Variants in TMEM131L observed in about 807,000 individuals in gnomAD.
TMEM131L encodes transmembrane protein 131-like.
A neutral mutation model predicts 192.2 loss-of-function variants in TMEM131L; 54 were observed. The ratio of observed to expected loss-of-function variants is 0.28; its 90% CI spans 0.23 to 0.35. The LOEUF is 0.35. Among genes scored for constraint, TMEM131L ranks in the 10% least tolerant of loss-of-function variants. The pLI is 1.00. For synonymous variants in TMEM131L, 701 were observed against 704.9 expected (o/e 0.99, Z 0.09); for missense variants, 1,888 against 1,972.9 (o/e 0.96, Z 0.82).
intron 30 of TMEM131L, among the ~76,000 whole-genome samples, chr4:153,626,852 A>C (rs1022788098): frequency 6.6e-6 from 1 of 152,244 alleles, no homozygotes; most frequent in Admixed American, 6.5e-5. Flanking sequence ...CTAGGCCTTG[A>C]AATAAAACTG....
In TMEM131L at chr4:153,625,090, G is replaced by A. The variant is rs1194719508; in HGVS notation, c.4046-1057G>A. On this transcript the variant is annotated intron_variant, in intron 29 of 34. Coordinates refer to ENST00000409959, the MANE Select transcript of TMEM131L (RefSeq NM_001131007.2). ...TGTGCATCTACCACAGAAGACTGAA[G>A]GTTTGCCTGATGATTCCAGTGTGGG... Among the ~76,000 whole-genome samples, 4 of 152,322 alleles carry A rather than the reference G, an allele frequency of 2.6e-5. No homozygotes were observed. The East Asian group carries it at 7.7e-4, about 29-fold the overall frequency.
intron 26 of TMEM131L, among the ~76,000 whole-genome samples, chr4:153,614,603 GT>G (rs957299777): frequency 1.3e-5 from 2 of 152,160 alleles, no homozygotes; most frequent in African/African-American, 2.4e-5. Flanking sequence ...ATAATTGGAT[GT>G]TGTTCAATTC....
chr4:153,487,155 G>A (rs1030603980), intron 3 of TMEM131L, among the ~76,000 whole-genome samples: 6 of 152,136 alleles, frequency 3.9e-5, no homozygotes, highest in African/African-American at 1.2e-4. Flanking sequence ...ATTGGCCCAG[G>A]GTGAGGCAGC....
chr4:153,579,549 A>G (rs1313542606), intron 7 of TMEM131L, among the ~76,000 whole-genome samples: 2 of 152,144 alleles, frequency 1.3e-5, no homozygotes, highest in Non-Finnish European at 2.9e-5. Flanking sequence ...ACGGTTCACT[A>G]CAGCCTTGAC....
rs982709699 is a variant in TMEM131L, at chr4:153,485,580, A to G, written c.239+11692A>G. Among the ~76,000 whole-genome samples, 10 of 152,352 alleles carry G rather than the reference A, an allele frequency of 6.6e-5. No individual in the cohort carries two copies. In the East Asian group the frequency reaches 9.6e-4, roughly 15 times the overall value. On this transcript the variant is annotated intron_variant, in intron 3 of 34. Coordinates refer to ENST00000409959, the MANE Select transcript of TMEM131L (RefSeq NM_001131007.2). ...TCATATTGATATTGTGCCTTGTACA[A>G]CATTGACTTTGAGGGTTGTAACTAC...
At chr4:153,472,598 T>G (rs538088758) in intron 2 of TMEM131L, among the ~76,000 whole-genome samples, 15 of 152,064 alleles carry the variant, frequency 9.9e-5, no homozygotes, top group African/African-American at 3.1e-4. Flanking sequence ...AGCAGAGAGA[T>G]AGACAGTAAA....
intron 3 of TMEM131L, among the ~76,000 whole-genome samples, chr4:153,478,810 T>C (rs1180694128): frequency 6.6e-6 from 1 of 152,220 alleles, no homozygotes; most frequent in Non-Finnish European, 1.5e-5. Context: ...TTAACATTTG[T>C]TTACACATTT....
Position 153,622,910 on chromosome 4 carries a change from A to G in TMEM131L, c.3872A>G (p.Gln1291Arg), listed in dbSNP as rs143927380. The G allele has an allele frequency of 1.7e-5, 27 of 1,614,244 alleles. No individual in the cohort carries two copies. In the East Asian group the frequency reaches 3.3e-4, roughly 20 times the overall value. The change falls in exon 29 of 35, where the codon CAG becomes CGG. Residue 1291 changes from glutamine to arginine, a missense_variant. By Grantham distance (43) the Gln-to-Arg change is conservative (BLOSUM62 1). Coordinates refer to ENST00000409959, the MANE Select transcript of TMEM131L (RefSeq NM_001131007.2). ...AAQREAEGYY[Q>R]KPEKKCVDKF... The stretch of plus-strand genomic sequence containing the variant: ...TCACTTCCTCCAGAAGGTTACTACC[A>G]GAAGCCTGAGAAGAAATGTGTGGAC...
chr4:153,496,271 A>G (rs1027474846), intron 3 of TMEM131L, among the ~76,000 whole-genome samples: 1 of 152,214 alleles, frequency 6.6e-6, no homozygotes, highest in African/African-American at 2.4e-5. Flanking sequence ...AAATCCATGG[A>G]ACACTTTATT....
In TMEM131L at chr4:153,636,610, AG is replaced by A; in HGVS notation, c.*36del. 6.3e-7 allele frequency: 1 copy of A among 1,594,312 alleles called. No homozygotes were observed. The highest frequency in any genetic ancestry group is 1.7e-5 in the Admixed American group (1 of 58,980). Reference sequence around the variant, plus strand: ...GGATTTTTAAACAATGTGAATAAAGAGGCTTGTGTTTTGATTACTAGTGTAA... The same window carrying A: ...GGATTTTTAAACAATGTGAATAAAGAGCTTGTGTTTTGATTACTAGTGTAA... On this transcript the variant is annotated 3_prime_UTR_variant, in exon 35 of 35. Coordinates refer to ENST00000409959, the MANE Select transcript of TMEM131L (RefSeq NM_001131007.2).
Position 153,620,824 on chromosome 4 carries a change from G to C in TMEM131L, c.3636G>C (p.Trp1212Cys). 1 of 1,599,900 alleles carries C rather than the reference G, an allele frequency of 6.3e-7. No individual in the cohort carries two copies. The highest frequency in any genetic ancestry group is 8.5e-7 in the Non-Finnish European group (1 of 1,173,688). Residue 1212 changes from tryptophan to cysteine, a missense_variant, in exon 27 of 35, where the codon TGG becomes TGC. Trp to Cys is a radical substitution (Grantham distance 215, BLOSUM62 -2). Transcript: ENST00000409959. ...AAGGAAATTTACAAAATTTAAATTGGAGTAAAAGTCGAACATGTAGAAAGA... is the reference window on the plus strand; with the variant it reads ...AAGGAAATTTACAAAATTTAAATTGCAGTAAAAGTCGAACATGTAGAAAGA... ...KREGNLQNLNWSKSRTCRKNK... is the reference protein window; with the variant it reads ...KREGNLQNLNCSKSRTCRKNK...
chr4:153,529,595 TA>T (rs1168646926), intron 3 of TMEM131L, among the ~76,000 whole-genome samples: 2 of 152,160 alleles, frequency 1.3e-5, no homozygotes, highest in Non-Finnish European at 1.5e-5. Flanking sequence ...CAAGCACAAA[TA>T]TAACACCAAA....
chr4:153,599,864 C>T (rs549408568), intron 21 of TMEM131L, among the ~76,000 whole-genome samples: 1 of 152,130 alleles, frequency 6.6e-6, no homozygotes, highest in Non-Finnish European at 1.5e-5. Flanking sequence ...TCGAGACCAG[C>T]CTGGCCAGCA....
chr4:153,633,590 G>A (rs1232531440), intron 32 of TMEM131L, among the ~76,000 whole-genome samples: 1 of 152,070 alleles, frequency 6.6e-6, no homozygotes, highest in Non-Finnish European at 1.5e-5. Context: ...CACAATGGCA[G>A]TTTCTCAAAT....
chr4:153,525,075 G>A (rs1349632341), intron 3 of TMEM131L, among the ~76,000 whole-genome samples: 1 of 152,208 alleles, frequency 6.6e-6, no homozygotes. Context: ...GATGCTGAGT[G>A]TAATAGCACA....
In TMEM131L at chr4:153,612,322, G is replaced by A. The variant is rs1004550832; in HGVS notation, c.3489G>A (p.Lys1163=). The change falls in exon 26 of 35, where the codon AAG becomes AAA. Residue 1163 remains lysine (K), a synonymous_variant. Transcript: ENST00000409959. ...AAAATTTGAAGAAGGTGGACACAAA[G>A]CCTTCTTCAGAAAAGAAGATTCACA... is the stretch of plus-strand genomic sequence containing the variant. The part of the protein sequence containing the change: ...HCENLKKVDT[K]PSSEKKIHKT... 1.9e-6 allele frequency: 3 copies of A among 1,598,488 alleles called. No homozygotes were observed. The highest frequency in any genetic ancestry group is 2.7e-5 in the African/African-American group (2 of 74,388).
chr4:153,603,439 C>T lies in TMEM131L; in HGVS notation c.2776C>T (p.Pro926Ser). The T allele has an allele frequency of 1.2e-6, 2 of 1,613,374 alleles. No individual in the cohort carries two copies. Among genetic ancestry groups the T allele is most frequent in the South Asian group, 1.1e-5 (1 of 90,844 alleles). ...CAATGGTCCTATGGATGTAATCAGC[C>T]CCCATTCTTACAAGTAAGAATTCTT... ...QNNGPMDVIS[P>S]HSYKSNCKNF... Residue 926 changes from proline to serine, a missense_variant, in exon 24 of 35, where the codon CCC becomes TCC. By Grantham distance (74) the Pro-to-Ser change is moderately conservative. Coordinates refer to ENST00000409959, the MANE Select transcript of TMEM131L (RefSeq NM_001131007.2).
chr4:153,571,294 G>T (rs1418103055), intron 7 of TMEM131L, among the ~76,000 whole-genome samples: 1 of 152,088 alleles, frequency 6.6e-6, no homozygotes, highest in East Asian at 1.9e-4. Context: ...CCTCTTTGCT[G>T]TGCCTTCTTT....
intron 3 of TMEM131L, among the ~76,000 whole-genome samples, chr4:153,526,109 G>A (rs895812951): frequency 5.3e-5 from 8 of 151,972 alleles, no homozygotes; most frequent in South Asian, 2.1e-4. Flanking sequence ...CGCCCACCTC[G>A]GTCTCCCAAA....
Sources: gnomAD v4.1 joint callset for allele counts (sites outside exome capture counted in the v4.1 genomes callset) on GRCh38, gnomAD v4.1.1 for gene constraint, MANE v1.5 for transcripts, NCBI Gene and HGNC (gene_info 2026-07-23, HGNC 2026-07-21) for gene names.